FAM135A: variants seen among roughly 807,000 people sequenced by gnomAD.
The protein encoded by FAM135A is protein FAM135A.
In FAM135A, 79 loss-of-function variants were observed where a neutral mutation model predicts 146.8. The observed-to-expected ratio is 0.54, with a 90% CI of 0.45 to 0.65. The LOEUF (loss-of-function observed/expected upper bound fraction) is 0.65, where lower values mean the gene tolerates loss of function less well. Ranked by LOEUF, FAM135A falls within the 30% of genes least tolerant of loss-of-function variation. FAM135A has a pLI of 0.00. For synonymous variants in FAM135A, 562 were observed against 603.6 expected (o/e 0.93, Z 1.01); for missense variants, 1,623 against 1,758.2 (o/e 0.92, Z 1.38).
At chr6:70,524,295 T>C in intron 14 of FAM135A, 48 bp from the exon 15 acceptor site, 1 of 1,447,620 alleles carries the variant, frequency 6.9e-7, no homozygotes, top group Non-Finnish European at 9.1e-7. Context: ...ATCATATGAG[T>C]TCTCACACCT....
At chr6:70,441,803 G>A (rs1467571640) in intron 4 of FAM135A, among the ~76,000 whole-genome samples, 1 of 151,334 alleles carries the variant, frequency 6.6e-6, no homozygotes, top group African/African-American at 2.4e-5. Flanking sequence ...TCCTGCCTCA[G>A]CCTCCCAAGT....
intron 11 of FAM135A, among the ~76,000 whole-genome samples, chr6:70,501,121 C>T (rs1467495287): frequency 6.6e-6 from 1 of 152,186 alleles, no homozygotes; most frequent in Non-Finnish European, 1.5e-5. Flanking sequence ...CCGAGGGGCT[C>T]TGTCCCAGGG....
At chr6:70,503,754 T>G (rs1270012060) in intron 12 of FAM135A, 1 of 152,192 alleles carries the variant, frequency 6.6e-6, no homozygotes, top group Non-Finnish European at 1.5e-5. Flanking sequence ...TGTACAGTAG[T>G]ATTCTTCTCT....
intron 11 of FAM135A, among the ~76,000 whole-genome samples, chr6:70,491,711 A>G (rs1352821371): frequency 6.6e-6 from 1 of 151,926 alleles, no homozygotes; most frequent in Non-Finnish European, 1.5e-5. Flanking sequence ...AAAATTATAC[A>G]TACGCAGGAT....
At chr6:70,489,650 C>T (rs1188980633) in intron 10 of FAM135A, among the ~76,000 whole-genome samples, 1 of 152,056 alleles carries the variant, frequency 6.6e-6, no homozygotes, top group Non-Finnish European at 1.5e-5. Flanking sequence ...TGCTGGGGAA[C>T]TCTATGAAGA....
chr6:70,489,334 G>A (rs960633425), intron 10 of FAM135A, among the ~76,000 whole-genome samples: 3 of 152,066 alleles, frequency 2.0e-5, no homozygotes, highest in Admixed American at 6.5e-5. Flanking sequence ...AATTTCTTTA[G>A]TTACCAACAA....
intron 11 of FAM135A, among the ~76,000 whole-genome samples, chr6:70,494,076 A>C (rs919154704): frequency 6.9e-6 from 1 of 144,410 alleles, no homozygotes; most frequent in Non-Finnish European, 1.5e-5. Context: ...AAAAAAAAAG[A>C]TGTTTTAAAC....
chr6:70,424,765 A>AT (rs1190557298), intron 2 of FAM135A, among the ~76,000 whole-genome samples: 5 of 152,116 alleles, frequency 3.3e-5, no homozygotes, highest in African/African-American at 1.2e-4. Flanking sequence ...GTATTGTGGC[A>AT]TTTTTCATGT....
chr6:70,471,594 T>C (rs950958167), intron 5 of FAM135A, among the ~76,000 whole-genome samples: 1 of 148,734 alleles, frequency 6.7e-6, no homozygotes, highest in East Asian at 2.0e-4. Context: ...AGAGGATCAA[T>C]CAGGAAGAAT....
At chr6:70,527,288 G>A (rs754280158) in intron 15 of FAM135A, among the ~76,000 whole-genome samples, 9 of 152,008 alleles carry the variant, frequency 5.9e-5, no homozygotes, top group South Asian at 2.1e-4. Context: ...GTTTACCAGC[G>A]TGCACTGGTT....
chr6:70,559,762 G>A lies in FAM135A; in HGVS notation c.4389G>A (p.Leu1463=), dbSNP rs771015487. ...EMIHNLLRPV[L]QSKDCNLVRY... ...TCCACAACTTGCTTCGACCCGTTCT[G>A]CAAAGCAAGGACTGTAATTTGGTTC... The change falls in exon 22 of 22, where the codon CTG becomes CTA. Residue 1463 remains leucine (L), a synonymous_variant. Transcript: ENST00000418814. The A allele has an allele frequency of 6.8e-6, 11 of 1,613,948 alleles. No homozygotes were observed. Among genetic ancestry groups the A allele is most frequent in the South Asian group, 5.5e-5 (5 of 91,078 alleles).
At chr6:70,433,925 A>C (rs796157177) in intron 4 of FAM135A, among the ~76,000 whole-genome samples, 2 of 152,254 alleles carry the variant, frequency 1.3e-5, no homozygotes, top group African/African-American at 4.8e-5. Context: ...AGATACTAAC[A>C]ATCTAAAGAA....
chr6:70,561,063 CAG>C lies in FAM135A; in HGVS notation c.*1145_*1146del, dbSNP rs1465558002. 2 of 152,492 alleles carry C rather than the reference CAG, an allele frequency of 1.3e-5. No individual in the cohort carries two copies. Among genetic ancestry groups the C allele is most frequent in the Non-Finnish European group, 2.9e-5 (2 of 67,968 alleles). 9.4% of individuals were successfully genotyped at this position (152,492 alleles called of 1,614,324 possible). ...GTTTGCACTCACTAATTGTGACAGA[CAG>C]AGGTTTTTGTAAGTATTTATTGTAC... On this transcript the variant is annotated 3_prime_UTR_variant, in exon 22 of 22. Transcript: ENST00000418814.
chr6:70,532,388 T>C (rs1795999470), intron 16 of FAM135A, among the ~76,000 whole-genome samples: 1 of 151,734 alleles, frequency 6.6e-6, no homozygotes, highest in Non-Finnish European at 1.5e-5. Context: ...AGTTAATTAT[T>C]ATTAAAATAA....
chr6:70,441,296 G>T (rs551307064), intron 4 of FAM135A, among the ~76,000 whole-genome samples: 4 of 152,130 alleles, frequency 2.6e-5, no homozygotes, highest in Non-Finnish European at 5.9e-5. Context: ...GCTGAGATGG[G>T]AGAATTGCTT....
At chr6:70,496,712 T>A (rs550641185) in intron 11 of FAM135A, among the ~76,000 whole-genome samples, 1 of 152,228 alleles carries the variant, frequency 6.6e-6, no homozygotes, top group Non-Finnish European at 1.5e-5. Flanking sequence ...AGTTTCAGTT[T>A]TCTGCATATG....
intron 20 of FAM135A, among the ~76,000 whole-genome samples, chr6:70,551,150 T>C (rs1281040120): frequency 6.6e-6 from 1 of 152,224 alleles, no homozygotes; most frequent in Non-Finnish European, 1.5e-5. Context: ...TGGTGTCTCA[T>C]CATTTGTGTT....
intron 20 of FAM135A, among the ~76,000 whole-genome samples, chr6:70,551,510 T>G (rs1799831940): frequency 6.6e-6 from 1 of 151,946 alleles, no homozygotes; most frequent in African/African-American, 2.4e-5. Context: ...ACTTGGGAGG[T>G]TGAAGTGGGA....
intron 20 of FAM135A, among the ~76,000 whole-genome samples, chr6:70,551,273 T>A (rs889957601): frequency 4.6e-5 from 7 of 152,230 alleles, no homozygotes; most frequent in Non-Finnish European, 8.8e-5. Context: ...GCTTTTGATA[T>A]GCCTTCCTCA....
Sources: gnomAD v4.1 joint callset for allele counts (sites outside exome capture counted in the v4.1 genomes callset) on GRCh38, gnomAD v4.1.1 for gene constraint, MANE v1.5 for transcripts, NCBI Gene and HGNC (gene_info 2026-07-23, HGNC 2026-07-21) for gene names.